Variants in ZFYVE16 observed in about 807,000 individuals in gnomAD.
ZFYVE16 encodes the protein zinc finger FYVE-type containing 16.
Under a neutral mutation model 138.1 loss-of-function variants are expected in ZFYVE16, and 89 were observed. The ratio of observed to expected loss-of-function variants is 0.64; its 90% confidence interval spans 0.54 to 0.77. ZFYVE16 has a LOEUF of 0.77. Among genes scored for constraint, ZFYVE16 ranks in the 30% least tolerant of loss-of-function variants. The probability of loss-of-function intolerance (pLI) is 0.00; values close to 1 mark genes in which losing one functional copy is unlikely to be tolerated. For synonymous variants in ZFYVE16, 596 were observed against 618.3 expected (o/e 0.96, Z 0.53); for missense variants, 1,793 against 1,786.7 (o/e 1.00, Z -0.06).
At position 80,481,993 on chromosome 5, in the gene ZFYVE16, G is replaced by C. The variant is rs1468798698; in HGVS notation, c.*4616G>C. Among the ~76,000 whole-genome samples the C allele has an allele frequency of 6.6e-6, 1 of 152,046 alleles. No homozygotes were observed. Among genetic ancestry groups the C allele is most frequent in the Non-Finnish European group, 1.5e-5 (1 of 68,012 alleles). On this transcript the variant is annotated 3_prime_UTR_variant, in exon 19 of 19. Coordinates refer to ENST00000505560, the MANE Select transcript of ZFYVE16 (RefSeq NM_001284236.3). Reference sequence around the variant, plus strand: ...TACCACCACGCCTAGATAATTTTTTGTATTTTTAATAGAGACAGAGTTTCA... The same window carrying C: ...TACCACCACGCCTAGATAATTTTTTCTATTTTTAATAGAGACAGAGTTTCA...
chr5:80,418,667 A>G (rs1378993048), intron 1 of ZFYVE16, among the ~76,000 whole-genome samples: 1 of 152,124 alleles, frequency 6.6e-6, no homozygotes, highest in Non-Finnish European at 1.5e-5. Flanking sequence ...TTTAGATACA[A>G]GTCCTTAATC....
intron 15 of ZFYVE16, among the ~76,000 whole-genome samples, chr5:80,468,672 T>C (rs1481957382): frequency 6.6e-6 from 1 of 152,232 alleles, no homozygotes; most frequent in African/African-American, 2.4e-5. Context: ...TTCCTTTACC[T>C]TATAGATTTT....
chr5:80,463,149 G>A (rs1324346228), intron 15 of ZFYVE16, among the ~76,000 whole-genome samples: 2 of 152,176 alleles, frequency 1.3e-5, no homozygotes, highest in Admixed American at 1.3e-4. Flanking sequence ...GTGCCCCAGT[G>A]GGGACTCTTT....
intron 17 of ZFYVE16, 141 bp from the exon 18 acceptor site, chr5:80,474,522 T>C: frequency 5.8e-6 from 5 of 856,806 alleles, no homozygotes; most frequent in Non-Finnish European, 8.8e-6. Context: ...ATAGTACAGA[T>C]CAAGCTATCG....
chr5:80,439,983 A>G lies in ZFYVE16; in HGVS notation c.2370A>G (p.Leu790=), dbSNP rs781379691. The G allele has an allele frequency of 2.5e-6, 4 of 1,611,562 alleles. No homozygotes were observed. Among genetic ancestry groups the G allele is most frequent in the African/African-American group, 1.3e-5 (1 of 74,964 alleles). ...ATAGGAAGTGTAAACTGCAATATCT[A>G]GAAAAGGAAGCAAGAGTATGTGTAG... The part of the protein sequence containing the change: ...CCNRKCKLQY[L]EKEARVCVVC... The change falls in exon 5 of 19, where the codon CTA becomes CTG. Residue 790 remains leucine, a synonymous_variant. Transcript: ENST00000505560.
chr5:80,419,899 C>A (rs969253942), intron 1 of ZFYVE16, among the ~76,000 whole-genome samples: 1 of 151,564 alleles, frequency 6.6e-6, no homozygotes, highest in Admixed American at 6.6e-5. Flanking sequence ...GCAACATCCG[C>A]CTCCCGGGTT....
intron 14 of ZFYVE16, 107 bp downstream of exon 14, chr5:80,457,199 G>A: frequency 1.4e-6 from 2 of 1,429,070 alleles, no homozygotes; most frequent in African/African-American, 1.5e-5. Flanking sequence ...AATTGTTGGT[G>A]ATAAAACAAT....
chr5:80,408,687 C>T (rs940359746), intron 1 of ZFYVE16, among the ~76,000 whole-genome samples: 5 of 152,242 alleles, frequency 3.3e-5, no homozygotes, highest in African/African-American at 1.2e-4. Context: ...TTCCCGCTGC[C>T]TTTCCTTTGG....
chr5:80,447,950 G>A, intron 7 of ZFYVE16, 76 bp from the exon 8 acceptor site: 2 of 1,274,942 alleles, frequency 1.6e-6, no homozygotes, highest in Non-Finnish European at 1.1e-6. Context: ...GATATGTTTG[G>A]CTATAGTGAT....
In ZFYVE16 at chr5:80,438,943, G is replaced by A. The variant is rs1374131448; in HGVS notation, c.2258G>A (p.Cys753Tyr). The change falls in exon 4 of 19, where the codon TGT becomes TAT. Residue 753 changes from cysteine (C) to tyrosine (Y), a missense_variant. By Grantham distance (194) the Cys-to-Tyr change is radical. Around this residue, in one of 2 missense-constraint regions of ZFYVE16, gnomAD observed 1,295 missense variants for 1,204.3 expected, o/e 1.08. Transcript: ENST00000505560. ...GTTCCTGATTCAGAAGCTCCAAACT[G>A]TATGAACTGCCAAGTCAAATTTACT... is the stretch of plus-strand genomic sequence containing the variant. ...TWVPDSEAPN[C>Y]MNCQVKFTFT... The A allele has an allele frequency of 6.2e-7, 1 of 1,613,918 alleles. No individual in the cohort carries two copies. Among genetic ancestry groups the A allele is most frequent in the African/African-American group, 1.3e-5 (1 of 74,924 alleles).
At chr5:80,468,049 T>C (rs1270882921) in intron 15 of ZFYVE16, among the ~76,000 whole-genome samples, 2 of 152,192 alleles carry the variant, frequency 1.3e-5, no homozygotes, top group African/African-American at 4.8e-5. Flanking sequence ...AGGAGGTTGA[T>C]GGCACCCATA....
intron 18 of ZFYVE16, 39 bp from the exon 19 acceptor site, chr5:80,477,180 A>G (rs1754997192): frequency 1.3e-6 from 2 of 1,526,768 alleles, no homozygotes; most frequent in Non-Finnish European, 1.8e-6. Flanking sequence ...GTTAAACAAG[A>G]TTGCTCATTT....
chr5:80,457,168 T>C, intron 14 of ZFYVE16, 76 bp downstream of exon 14: 1 of 1,524,644 alleles, frequency 6.6e-7, no homozygotes, highest in Non-Finnish European at 8.9e-7. Context: ...GGGAAATATA[T>C]GTATATTTAC....
intron 2 of ZFYVE16, among the ~76,000 whole-genome samples, chr5:80,428,154 T>C (rs983285864): frequency 7.9e-5 from 12 of 151,932 alleles, no homozygotes; most frequent in African/African-American, 2.7e-4. Flanking sequence ...GGACAGACTG[T>C]CTCCTCAAGT....
Position 80,483,157 on chromosome 5 carries a change from C to T in ZFYVE16, c.*5780C>T, listed in dbSNP as rs950921771. 6.6e-6 allele frequency: 1 copy of T among 152,124 alleles called. No individual in the cohort carries two copies. The highest frequency in any genetic ancestry group is 2.4e-5 in the African/African-American group (1 of 41,404). 9.4% of individuals were successfully genotyped at this position (152,124 alleles called of 1,614,324 possible). Reference sequence around the variant, plus strand: ...GTGCTGAGATTAGAGGCATGAGCCACCATACCTGGCTGAAATAAAGACATT... The same window carrying T: ...GTGCTGAGATTAGAGGCATGAGCCATCATACCTGGCTGAAATAAAGACATT... On this transcript the variant is annotated 3_prime_UTR_variant, in exon 19 of 19. Coordinates refer to ENST00000505560, the MANE Select transcript of ZFYVE16 (RefSeq NM_001284236.3).
Position 80,438,302 on chromosome 5 carries a change from A to C in ZFYVE16, c.1617A>C (p.Glu539Asp). The part of the protein sequence containing the change: ...SDAELDAFLT[E>D]QYLQTTNIKS... Reference sequence around the variant, plus strand: ...CTGAACTTGATGCCTTTCTGACAGAACAGTATCTTCAGACCACTAACATAA... The same window carrying C: ...CTGAACTTGATGCCTTTCTGACAGACCAGTATCTTCAGACCACTAACATAA... Residue 539 changes from glutamate (E) to aspartate (D), a missense_variant, in exon 4 of 19, where the codon GAA (glutamate) becomes GAC (aspartate). Coordinates refer to ENST00000505560, the MANE Select transcript of ZFYVE16 (RefSeq NM_001284236.3). The C allele has an allele frequency of 3.1e-6, 5 of 1,614,088 alleles. No individual in the cohort carries two copies. The highest frequency in any genetic ancestry group is 4.2e-6 in the Non-Finnish European group (5 of 1,179,970).
rs1408208029 is a variant in ZFYVE16, at chr5:80,449,628, C to T, written c.3141C>T (p.Ile1047=). ...AAGAACATCCATCTCATGAGCAGAT[C>T]ATTTTGCTTCTTGAAGGTGAAAGCT... ...VVEEHPSHEQ[I]ILLLEGESFH... is the part of the protein sequence containing the mutation. Residue 1047 remains isoleucine, a synonymous_variant, in exon 9 of 19, where the codon ATC becomes ATT. Coordinates refer to ENST00000505560, the MANE Select transcript of ZFYVE16 (RefSeq NM_001284236.3). The T allele has an allele frequency of 6.2e-7, 1 of 1,611,104 alleles. No homozygotes were observed. The highest frequency in any genetic ancestry group is 1.7e-5 in the Admixed American group (1 of 59,480).
intron 2 of ZFYVE16, among the ~76,000 whole-genome samples, chr5:80,433,592 A>G (rs570049660): frequency 6.6e-6 from 1 of 152,280 alleles, no homozygotes; most frequent in African/African-American, 2.4e-5. Context: ...TATAATATAA[A>G]AAGTATATAA....
In ZFYVE16 at chr5:80,481,204, G is replaced by T. The variant is rs915264093; in HGVS notation, c.*3827G>T. Among the ~76,000 whole-genome samples the T allele has an allele frequency of 6.6e-6, 1 of 152,128 alleles. No individual in the cohort carries two copies. The highest frequency in any genetic ancestry group is 1.5e-5 in the Non-Finnish European group (1 of 68,022). ...AGGTATCACTCTTCTCTTCCCCCTGGTGCACTAGTGGCAGACATTGCAGGG... is the reference window on the plus strand; with the variant it reads ...AGGTATCACTCTTCTCTTCCCCCTGTTGCACTAGTGGCAGACATTGCAGGG... On this transcript the variant is annotated 3_prime_UTR_variant, in exon 19 of 19. Transcript: ENST00000505560.
Sources: allele counts gnomAD v4.1 joint callset (sites outside exome capture counted in the v4.1 genomes callset), GRCh38; gene constraint gnomAD v4.1.1; regional missense constraint gnomAD v4.1.1; transcripts MANE v1.5; gene names NCBI Gene and HGNC (gene_info 2026-07-23, HGNC 2026-07-21).